KCNIP4: variants seen among roughly 807,000 people sequenced by gnomAD.
KCNIP4 encodes Kv channel-interacting protein 4.
KCNIP4 carries 12 observed loss-of-function variants against 34.0 expected under a neutral mutation model. That is an observed-to-expected ratio of 0.35 (90% confidence interval 0.23 to 0.57). The LOEUF (loss-of-function observed/expected upper bound fraction) is 0.57, where lower values mean the gene tolerates loss of function less well. Among genes scored for constraint, KCNIP4 ranks in the 20% least tolerant of loss-of-function variants. KCNIP4 has a pLI of 0.83. For synonymous variants in KCNIP4, 124 were observed against 102.2 expected, an observed-to-expected ratio of 1.21 and a Z score of -1.29; for missense variants, 238 against 311.7, an observed-to-expected ratio of 0.76 and a Z score of 1.78.
intron 1 of KCNIP4, among the ~76,000 whole-genome samples, chr4:21,458,904 T>TG (rs1729205401): frequency 1.3e-5 from 2 of 152,142 alleles, no homozygotes; most frequent in African/African-American, 2.4e-5. Context: ...TCTCTTAATA[T>TG]GGACTAACTG....
At chr4:21,556,845 C>G (rs564694863) in intron 1 of KCNIP4, among the ~76,000 whole-genome samples, 1 of 140,956 alleles carries the variant, frequency 7.1e-6, no homozygotes, top group African/African-American at 2.7e-5. Flanking sequence ...CACTTGAACC[C>G]GGGAGATAGA....
chr4:21,546,068 T>G (rs1738127265), intron 1 of KCNIP4, among the ~76,000 whole-genome samples: 1 of 152,088 alleles, frequency 6.6e-6, no homozygotes, highest in Admixed American at 6.6e-5. Flanking sequence ...AAGAACCCTT[T>G]ATTGGGGTTT....
At chr4:20,905,719 A>G (rs1006828860) in intron 1 of KCNIP4, among the ~76,000 whole-genome samples, 1 of 150,598 alleles carries the variant, frequency 6.6e-6, no homozygotes, top group Non-Finnish European at 1.5e-5. Context: ...ATGGGGTTTC[A>G]CTGTATTGGC....
intron 1 of KCNIP4, among the ~76,000 whole-genome samples, chr4:21,804,726 T>C (rs2109258910): frequency 6.6e-6 from 1 of 152,302 alleles, no homozygotes; most frequent in African/African-American, 2.4e-5. Context: ...TTATCATAAA[T>C]ATAAAAGGAA....
chr4:21,246,228 C>T lies in KCNIP4; in HGVS notation c.62-363519G>A, dbSNP rs180992664. Among the ~76,000 whole-genome samples, 245 of 152,208 alleles carry T rather than the reference C, an allele frequency of 1.6e-3. 3 individuals carry two copies. The highest frequency in any genetic ancestry group is 5.4e-3 in the African/African-American group (224 of 41,552). On this transcript the variant is annotated intron_variant, in intron 1 of 8. Coordinates refer to ENST00000382152, the MANE Select transcript of KCNIP4 (RefSeq NM_025221.6). Reference sequence around the variant, plus strand: ...ACACCCTTTCCCTACACACAGGTGGCAGAAATATGTGGCCCTGGCTTGCTG... The same window carrying T: ...ACACCCTTTCCCTACACACAGGTGGTAGAAATATGTGGCCCTGGCTTGCTG...
intron 4 of KCNIP4, among the ~76,000 whole-genome samples, chr4:20,757,737 ACT>A: frequency 6.6e-6 from 1 of 152,186 alleles, no homozygotes; most frequent in South Asian, 2.1e-4. Context: ...AATGGATCAA[ACT>A]CTCTGCACCT....
At chr4:21,334,864 C>G (rs1716018110) in intron 1 of KCNIP4, among the ~76,000 whole-genome samples, 1 of 152,060 alleles carries the variant, frequency 6.6e-6, no homozygotes, top group East Asian at 1.9e-4. Flanking sequence ...ACATCATGTT[C>G]CATTCTGTCA....
intron 1 of KCNIP4, among the ~76,000 whole-genome samples, chr4:21,272,373 A>T (rs1762205813): frequency 6.6e-6 from 1 of 152,172 alleles, no homozygotes; most frequent in Non-Finnish European, 1.5e-5. Context: ...GCTCATGTTT[A>T]TTGAGTGCTT....
intron 1 of KCNIP4, among the ~76,000 whole-genome samples, chr4:21,085,317 C>T (rs994060856): frequency 6.6e-6 from 1 of 152,216 alleles, no homozygotes; most frequent in East Asian, 1.9e-4. Context: ...TATTGGCACC[C>T]CGATCTCACA....
At chr4:20,920,887 G>A (rs146663625) in intron 1 of KCNIP4, among the ~76,000 whole-genome samples, 1,729 of 152,222 alleles carry the variant, frequency 0.011, 23 homozygotes, top group African/African-American at 0.038. Context: ...TACTCGGGAG[G>A]CTGAGGCAGG....
intron 3 of KCNIP4, among the ~76,000 whole-genome samples, chr4:20,792,098 G>A (rs1278960732): frequency 6.6e-6 from 1 of 152,212 alleles, no homozygotes; most frequent in African/African-American, 2.4e-5. Context: ...TAGAGGCTGG[G>A]TGCAATGGCT....
chr4:21,561,369 T>A (rs573591549), intron 1 of KCNIP4, among the ~76,000 whole-genome samples: 1 of 151,666 alleles, frequency 6.6e-6, no homozygotes, highest in East Asian at 1.9e-4. Context: ...AAAGAGGGAG[T>A]TTAAGGGAGA....
At chr4:21,618,982 T>C (rs1577703386) in intron 1 of KCNIP4, among the ~76,000 whole-genome samples, 1 of 152,220 alleles carries the variant, frequency 6.6e-6, no homozygotes, top group East Asian at 1.9e-4. Flanking sequence ...GTTTGTTTCG[T>C]CTACCAAATA....
intron 1 of KCNIP4, among the ~76,000 whole-genome samples, chr4:20,911,386 ATT>A (rs1728312338): frequency 6.6e-6 from 1 of 152,184 alleles, no homozygotes; most frequent in South Asian, 2.1e-4. Flanking sequence ...ATGCTTACAA[ATT>A]TTATATAACA....
intron 1 of KCNIP4, among the ~76,000 whole-genome samples, chr4:21,450,875 TTGAGATTCTATGA>T (rs1165419356): frequency 1.3e-5 from 2 of 152,172 alleles, no homozygotes; most frequent in Non-Finnish European, 2.9e-5. Flanking sequence ...AGACATTTTA[TTGAGATTCTATGA>T]TGTGCTGATC....
intron 1 of KCNIP4, among the ~76,000 whole-genome samples, chr4:21,375,873 T>C (rs573676081): frequency 5.3e-5 from 8 of 152,164 alleles, no homozygotes; most frequent in Non-Finnish European, 1.2e-4. Context: ...GGCCTGGCCA[T>C]TGTTACCCTT....
intron 1 of KCNIP4, among the ~76,000 whole-genome samples, chr4:21,885,490 C>G (rs1726714440): frequency 6.6e-6 from 1 of 152,120 alleles, no homozygotes; most frequent in Admixed American, 6.6e-5. Flanking sequence ...CTAAGAACTG[C>G]AGGAAATAGA....
chr4:21,563,524 C>T (rs748550670), intron 1 of KCNIP4, among the ~76,000 whole-genome samples: 20 of 152,124 alleles, frequency 1.3e-4, no homozygotes, highest in Admixed American at 9.8e-4. Context: ...TGATAGGCAA[C>T]GAAAATTCCA....
chr4:21,166,538 C>G (rs550445967), intron 1 of KCNIP4, among the ~76,000 whole-genome samples: 8 of 152,256 alleles, frequency 5.3e-5, no homozygotes, highest in African/African-American at 1.7e-4. Flanking sequence ...TAGGGATTTA[C>G]TCAAGAGAAC....
Sources: allele counts gnomAD v4.1 joint callset (sites outside exome capture counted in the v4.1 genomes callset), GRCh38; gene constraint gnomAD v4.1.1; transcripts MANE v1.5; gene names NCBI Gene and HGNC (gene_info 2026-07-23, HGNC 2026-07-21).